Variants in ITGAV observed in about 807,000 individuals in gnomAD.
ITGAV encodes the protein integrin subunit alpha V, also known as integrin alpha-V.
ITGAV carries 76 observed loss-of-function variants against 143.8 expected under a neutral mutation model. The observed-to-expected ratio is 0.53, with a 90% CI of 0.44 to 0.64. The LOEUF is 0.64. Ranked by LOEUF, ITGAV falls within the 30% of genes least tolerant of loss-of-function variation. The pLI, the probability that ITGAV is intolerant of heterozygous loss-of-function variation, is 0.00. For synonymous variants in ITGAV, 453 were observed against 446.7 expected (o/e 1.01, Z -0.18); for missense variants, 1,193 against 1,274.7 (o/e 0.94, Z 0.98).
At chr2:186,652,166 G>A (rs545308060) in intron 15 of ITGAV, 77 bp downstream of exon 15, 6 of 883,388 alleles carry the variant, frequency 6.8e-6, no homozygotes, top group Non-Finnish European at 1.1e-5. Flanking sequence ...AAATGAAGGT[G>A]GTAGGGCTGA....
At chr2:186,670,459 C>T (rs980779326) in intron 26 of ITGAV, among the ~76,000 whole-genome samples, 19 of 152,062 alleles carry the variant, frequency 1.2e-4, no homozygotes, top group Admixed American at 1.2e-3. Context: ...CTCCCCCATG[C>T]CCAGCTAAGT....
Position 186,678,598 on chromosome 2 carries a change from G to T in ITGAV, c.*1306G>T. The T allele has an allele frequency of 6.1e-6, 2 of 329,082 alleles. No individual in the cohort carries two copies. Among genetic ancestry groups the T allele is most frequent in the South Asian group, 2.7e-5 (1 of 37,260 alleles). The allele number at this position is 329,082 out of a possible 1,614,324, so 20.4% of individuals were successfully genotyped here. ...TCGTTAGTATAAATTACTTTTCTAG[G>T]ATTATTAATAAAAGCCACATAGGTG... is the stretch of plus-strand genomic sequence containing the variant. On this transcript the variant is annotated 3_prime_UTR_variant, in exon 30 of 30. Transcript: ENST00000261023.
At chr2:186,636,934 A>G (rs1275775785) in intron 7 of ITGAV, 131 bp from the exon 8 acceptor site, 7 of 699,510 alleles carry the variant, frequency 1.0e-5, no homozygotes, top group Admixed American at 2.2e-5. Context: ...TGAATCTGTT[A>G]TGACTAGGGG....
intron 2 of ITGAV, among the ~76,000 whole-genome samples, chr2:186,615,627 C>G (rs922230202): frequency 1.3e-5 from 2 of 150,866 alleles, no homozygotes; most frequent in African/African-American, 4.9e-5. Context: ...TATTCAAATT[C>G]TTTGCTCATT....
chr2:186,598,294 T>TACAC (rs56789925), intron 1 of ITGAV, among the ~76,000 whole-genome samples: 2,691 of 147,906 alleles, frequency 0.018, 37 homozygotes, highest in African/African-American at 0.037. Flanking sequence ...TTATAATTTA[T>TACAC]ACACACACAC....
intron 25 of ITGAV, among the ~76,000 whole-genome samples, chr2:186,669,159 G>A (rs1360886570): frequency 6.6e-6 from 1 of 152,164 alleles, no homozygotes; most frequent in Non-Finnish European, 1.5e-5. Flanking sequence ...CTCATGAGAT[G>A]TGTCCTTCAG....
At chr2:186,598,393 T>A (rs1052589560) in intron 1 of ITGAV, among the ~76,000 whole-genome samples, 5 of 151,102 alleles carry the variant, frequency 3.3e-5, no homozygotes, top group Non-Finnish European at 5.9e-5. Context: ...GATGACGAGC[T>A]GCTCTCTTAG....
intron 1 of ITGAV, among the ~76,000 whole-genome samples, chr2:186,595,865 C>T (rs940125194): frequency 9.9e-5 from 15 of 151,998 alleles, no homozygotes; most frequent in African/African-American, 3.4e-4. Flanking sequence ...TGTGTATTCT[C>T]CCCACCTCGC....
At chr2:186,632,471 A>G (rs1234500887) in intron 5 of ITGAV, among the ~76,000 whole-genome samples, 1 of 152,096 alleles carries the variant, frequency 6.6e-6, no homozygotes, top group African/African-American at 2.4e-5. Context: ...TGGAAGGGCT[A>G]TATGTACATT....
chr2:186,647,097 C>T (rs184493342), intron 13 of ITGAV, among the ~76,000 whole-genome samples: 66 of 152,206 alleles, frequency 4.3e-4, no homozygotes, highest in African/African-American at 1.4e-3. Context: ...CTGAGTTTCT[C>T]CTGTAGTCTT....
intron 2 of ITGAV, among the ~76,000 whole-genome samples, chr2:186,614,568 A>T: frequency 6.6e-6 from 1 of 152,056 alleles, no homozygotes; most frequent in Non-Finnish European, 1.5e-5. Context: ...TTTGCCTGAC[A>T]GGTGAAACAT....
At position 186,602,080 on chromosome 2, in the gene ITGAV, A is replaced by G; in HGVS notation, c.245A>G (p.Glu82Gly). 6.2e-7 allele frequency: 1 copy of G among 1,613,480 alleles called. No individual in the cohort carries two copies. The highest frequency in any genetic ancestry group is 1.1e-5 in the South Asian group (1 of 91,000). The change falls in exon 2 of 30, where the codon GAA becomes GGA. Residue 82 changes from glutamate (E) to glycine (G), a missense_variant. Transcript: ENST00000261023. Reference protein sequence around the residue: ...KANTTQPGIVEGGQVLKCDWS... With the variant: ...KANTTQPGIVGGGQVLKCDWS... Reference sequence around the variant, plus strand: ...AACACCACCCAGCCTGGGATTGTGGAAGGAGGGCAGGTCCTCAAATGTGAC... The same window carrying G: ...AACACCACCCAGCCTGGGATTGTGGGAGGAGGGCAGGTCCTCAAATGTGAC...
intron 2 of ITGAV, among the ~76,000 whole-genome samples, chr2:186,618,683 C>A (rs1687436461): frequency 6.6e-6 from 1 of 151,904 alleles, no homozygotes. Context: ...TAACCTTTCA[C>A]AAAGAAGAAA....
intron 1 of ITGAV, chr2:186,600,451 G>A: frequency 1.3e-6 from 2 of 1,531,594 alleles, no homozygotes; most frequent in South Asian, 2.4e-5. Flanking sequence ...ATTCTTTAAA[G>A]ATGATTTCCT....
intron 2 of ITGAV, among the ~76,000 whole-genome samples, chr2:186,613,355 T>C (rs1403887141): frequency 2.6e-5 from 4 of 152,194 alleles, no homozygotes; most frequent in Admixed American, 6.5e-5. Flanking sequence ...TTTGATTCTT[T>C]ATTCGCTGTG....
intron 10 of ITGAV, among the ~76,000 whole-genome samples, chr2:186,640,604 T>C (rs1301302575): frequency 6.6e-6 from 1 of 152,164 alleles, no homozygotes; most frequent in Non-Finnish European, 1.5e-5. Context: ...AGGGAGATAG[T>C]AGGGTAGGCC....
intron 3 of ITGAV, 76 bp from the exon 4 acceptor site, chr2:186,625,397 C>A: frequency 1.2e-6 from 1 of 830,496 alleles, no homozygotes; most frequent in East Asian, 2.6e-5. Context: ...GTATTATATT[C>A]TGAAGTAGTA....
chr2:186,664,776 A>G (rs1451964686), intron 20 of ITGAV, 135 bp downstream of exon 20: 2 of 1,043,850 alleles, frequency 1.9e-6, no homozygotes, highest in East Asian at 2.4e-5. Flanking sequence ...TGGAGTGCCT[A>G]TCTTACATAA....
At position 186,670,289 on chromosome 2, in the gene ITGAV, GTTTT is replaced by G. The variant is rs1689029048; in HGVS notation, c.2706+478_2706+481del. Among the ~76,000 whole-genome samples the G allele has an allele frequency of 7.1e-5, 10 of 140,714 alleles. No individual in the cohort carries two copies. In the South Asian group the frequency reaches 2.5e-3, roughly 35 times the overall value. The allele number at this position is 140,714 out of a possible 152,430, so 92.3% of individuals were successfully genotyped here. ...TCTCTAGTAGAGAACCTGGTATAGTGTTTTTTGTTTGTTTGTTTGTTTGTTTTTT... is the reference window on the plus strand; with the variant it reads ...TCTCTAGTAGAGAACCTGGTATAGTGTTGTTTGTTTGTTTGTTTGTTTTTT... On this transcript the variant is annotated intron_variant, in intron 26 of 29. Transcript: ENST00000261023.
Sources: gnomAD v4.1 joint callset for allele counts (sites outside exome capture counted in the v4.1 genomes callset) on GRCh38, gnomAD v4.1.1 for gene constraint, MANE v1.5 for transcripts, NCBI Gene and HGNC (gene_info 2026-07-23, HGNC 2026-07-21) for gene names.